Variants in MLLT6 observed in about 807,000 individuals in gnomAD.
MLLT6 encodes protein AF-17.
A neutral mutation model predicts 103.0 loss-of-function variants in MLLT6; 22 were observed. The ratio of observed to expected loss-of-function variants is 0.21; its 90% confidence interval spans 0.15 to 0.31. The LOEUF is 0.31. Ranked by LOEUF, MLLT6 falls within the 10% of genes least tolerant of loss-of-function variation. The probability of loss-of-function intolerance (pLI) is 1.00; values close to 1 mark genes in which losing one functional copy is unlikely to be tolerated. For missense variants in MLLT6, 1,199 were observed against 1,441.7 expected, an observed-to-expected ratio of 0.83 and a Z score of 2.73; for synonymous variants, 606 against 623.5, an observed-to-expected ratio of 0.97 and a Z score of 0.42.
Position 38,729,279 on chromosome 17 carries a change from C to T in MLLT6, c.*3681C>T, listed in dbSNP as rs757353256. On this transcript the variant is annotated 3_prime_UTR_variant, in exon 20 of 20. Transcript: ENST00000621332. ...CAACTTATTTTCCTGGGGAGAGGTG[C>T]CTAGAGGGATTGAGGTAACTTCAAC... is the stretch of plus-strand genomic sequence containing the variant. The T allele has an allele frequency of 2.2e-4, 51 of 233,120 alleles. No individual in the cohort carries two copies. The highest frequency in any genetic ancestry group is 3.7e-4 in the Non-Finnish European group (44 of 118,044). 14.4% of individuals were successfully genotyped at this position (233,120 alleles called of 1,614,324 possible).
rs1458966968 is a variant in MLLT6 at position 38,707,785 on chromosome 17, C to T, written c.267C>T (p.Ala89=). 1 of 1,612,788 alleles carries T rather than the reference C, an allele frequency of 6.2e-7. No homozygotes were observed. Among genetic ancestry groups the T allele is most frequent in the Non-Finnish European group, 8.5e-7 (1 of 1,179,118 alleles). Residue 89 remains alanine (A), a synonymous_variant, in exon 4 of 20, where the codon GCC becomes GCT. Transcript: ENST00000621332. ...CAGGCTGGGCACACGTGGTGTGTGC[C>T]CTCTACATCCCCGAGGTGCAATTTG... ...DNGGWAHVVC[A]LYIPEVQFAN...
chr17:38,714,698 G>C (rs552666613), intron 8 of MLLT6: 1 of 152,238 alleles, frequency 6.6e-6, no homozygotes, highest in Non-Finnish European at 1.5e-5. Flanking sequence ...AGCCGAGATC[G>C]CACCATTGCA....
Position 38,729,253 on chromosome 17 carries a change from T to G in MLLT6, c.*3655T>G. ...AGCTTGCACCCAGTTCTCCTTTATC[T>G]CAACTTATTTTCCTGGGGAGAGGTG... On this transcript the variant is annotated 3_prime_UTR_variant, in exon 20 of 20. Transcript: ENST00000621332. 1 of 233,214 alleles carries G rather than the reference T, an allele frequency of 4.3e-6. No individual in the cohort carries two copies. Among genetic ancestry groups the G allele is most frequent in the East Asian group, 6.0e-5 (1 of 16,584 alleles). The allele number at this position is 233,214 out of a possible 1,614,324, so 14.4% of individuals were successfully genotyped here.
Position 38,705,482 on chromosome 17 carries a change from A to G in MLLT6, c.-151A>G. The G allele has an allele frequency of 2.2e-6, 1 of 454,884 alleles. No individual in the cohort carries two copies. Among genetic ancestry groups the G allele is most frequent in the East Asian group, 3.8e-5 (1 of 26,418 alleles). 28.2% of individuals were successfully genotyped at this position (454,884 alleles called of 1,614,324 possible). ...GAGGAGGAGGACGCGGAGGAGGAGG[A>G]AGGAGGAGGCAAAGAAAAGAAGCGG... On this transcript the variant is annotated 5_prime_UTR_variant, in exon 1 of 20. Transcript: ENST00000621332.
intron 18 of MLLT6, 25 bp downstream of exon 18, chr17:38,722,793 C>T (rs780355522): frequency 6.4e-7 from 1 of 1,557,212 alleles, no homozygotes; most frequent in South Asian, 1.1e-5. Flanking sequence ...TTCCCTGCCT[C>T]AGGTGCCCCT....
At position 38,725,564 on chromosome 17, in the gene MLLT6, A is replaced by G; in HGVS notation, c.3248A>G (p.Asp1083Gly). The G allele has an allele frequency of 6.2e-7, 1 of 1,604,468 alleles. No homozygotes were observed. The highest frequency in any genetic ancestry group is 8.5e-7 in the Non-Finnish European group (1 of 1,176,158). The change falls in exon 20 of 20, where the codon GAC becomes GGC. Residue 1083 changes from aspartate (D) to glycine (G), a missense_variant. Transcript: ENST00000621332. Reference protein sequence around the residue: ...SGGGPKGGTADKGASANQEKG With the variant: ...SGGGPKGGTAGKGASANQEKG ...CCCTCCCTCTCTTTCCAGACCGCTG[A>G]CAAAGGAGCCTCAGCCAACCAGGAA... is the stretch of plus-strand genomic sequence containing the variant.
At chr17:38,706,021 C>A (rs1904903763) in intron 1 of MLLT6, 1 of 180,690 alleles carries the variant, frequency 5.5e-6, no homozygotes, top group African/African-American at 2.4e-5. Context: ...CGCCCCACAC[C>A]GCGGGTGTCG....
Position 38,726,727 on chromosome 17 carries a change from C to T in MLLT6, c.*1129C>T, listed in dbSNP as rs1335667661. On this transcript the variant is annotated 3_prime_UTR_variant, in exon 20 of 20. Coordinates refer to ENST00000621332, the MANE Select transcript of MLLT6 (RefSeq NM_005937.4). ...CCTCCTTCTCTGGCACAAGGGGAGC[C>T]CCAGGGCTTGGGGGAGGGCGTAAGG... 4 of 233,436 alleles carry T rather than the reference C, an allele frequency of 1.7e-5. No homozygotes were observed. The highest frequency in any genetic ancestry group is 2.5e-5 in the Non-Finnish European group (3 of 118,042). 14.5% of individuals were successfully genotyped at this position (233,436 alleles called of 1,614,324 possible).
At position 38,729,484 on chromosome 17, in the gene MLLT6, G is replaced by A. The variant is rs1261843969; in HGVS notation, c.*3886G>A. The A allele has an allele frequency of 4.3e-6, 1 of 233,534 alleles. No individual in the cohort carries two copies. The highest frequency in any genetic ancestry group is 8.5e-6 in the Non-Finnish European group (1 of 118,010). 14.5% of individuals were successfully genotyped at this position (233,534 alleles called of 1,614,324 possible). On this transcript the variant is annotated 3_prime_UTR_variant, in exon 20 of 20. Transcript: ENST00000621332. The stretch of plus-strand genomic sequence containing the variant: ...AGCTCAACTTGGGACTTGGGTGGTG[G>A]GACTGGAGACCTCACCCCTGCTCCC...
At position 38,724,675 on chromosome 17, in the gene MLLT6, T is replaced by C; in HGVS notation, c.2939T>C (p.Leu980Pro). ...MIQQIQQKRE[L>P]QRLQMAGGSQ... ...CAGCAGATCCAGCAGAAACGGGAGCTGCAGCGCCTGCAGATGGCTGGGGGC... is the reference window on the plus strand; with the variant it reads ...CAGCAGATCCAGCAGAAACGGGAGCCGCAGCGCCTGCAGATGGCTGGGGGC... Residue 980 changes from leucine to proline, a missense_variant, in exon 19 of 20, where the codon CTG (leucine) becomes CCG (proline). By Grantham distance (98) the Leu-to-Pro change is moderately conservative. Transcript: ENST00000621332. This position sits in a 1 kb window ranked among gnomAD's most constrained non-coding sequence, Gnocchi z 5.4. 1 of 1,612,456 alleles carries C rather than the reference T, an allele frequency of 6.2e-7. No individual in the cohort carries two copies. Among genetic ancestry groups the C allele is most frequent in the Admixed American group, 1.7e-5 (1 of 59,950 alleles).
At chr17:38,705,835 C>T in intron 1 of MLLT6, 94 bp downstream of exon 1, 1 of 385,774 alleles carries the variant, frequency 2.6e-6, no homozygotes, top group Non-Finnish European at 4.2e-6. Flanking sequence ...CTGGGGCTCG[C>T]GCGCCCCTCC....
intron 2 of MLLT6, 38 bp downstream of exon 2, chr17:38,707,067 TC>T: frequency 6.4e-7 from 1 of 1,558,594 alleles, no homozygotes; most frequent in Non-Finnish European, 8.8e-7. Flanking sequence ...CCCCTGCCCC[TC>T]CCACACACCT....
rs529813650 is a variant in MLLT6, at chr17:38,726,003, C to T, written c.*405C>T. The T allele has an allele frequency of 1.1e-5, 3 of 262,958 alleles. No individual in the cohort carries two copies. Among genetic ancestry groups the T allele is most frequent in the South Asian group, 3.1e-4 (2 of 6,422 alleles). The allele number at this position is 262,958 out of a possible 1,614,324, so 16.3% of individuals were successfully genotyped here. A position where few individuals can be genotyped will look rare whatever the true frequency, so the allele number is the denominator to read the frequency against. On this transcript the variant is annotated 3_prime_UTR_variant, in exon 20 of 20. Coordinates refer to ENST00000621332, the MANE Select transcript of MLLT6 (RefSeq NM_005937.4). ...TGGAGGGAGAGGCCCTGGGCCTGTC[C>T]CTGCGGGGAAATCTTTTATGGAAGA...
In MLLT6 at chr17:38,727,016, G is replaced by A. The variant is rs1371980891; in HGVS notation, c.*1418G>A. On this transcript the variant is annotated 3_prime_UTR_variant, in exon 20 of 20. Transcript: ENST00000621332. ...CGAAGCCTGTGTCCCTGTTTCAGTT[G>A]CACTGGGGTTGGAGCCCAGGGTAGG... 1 of 233,652 alleles carries A rather than the reference G, an allele frequency of 4.3e-6. No individual in the cohort carries two copies. Among genetic ancestry groups the A allele is most frequent in the Non-Finnish European group, 8.5e-6 (1 of 118,082 alleles). The allele number at this position is 233,652 out of a possible 1,614,324, so 14.5% of individuals were successfully genotyped here. A position where few individuals can be genotyped will look rare whatever the true frequency, so the allele number is the denominator to read the frequency against.
chr17:38,725,393 T>C (rs1199000121), intron 19 of MLLT6, 164 bp from the exon 20 acceptor site: 10 of 643,178 alleles, frequency 1.6e-5, no homozygotes, highest in Non-Finnish European at 2.4e-5. Flanking sequence ...TTCACACCCC[T>C]GCGCATCGGC....
chr17:38,722,547 C>T lies in MLLT6; in HGVS notation c.2793-131C>T, dbSNP rs118058662. On this transcript the variant is annotated intron_variant, in intron 17 of 19. Coordinates refer to ENST00000621332, the MANE Select transcript of MLLT6 (RefSeq NM_005937.4). The stretch of plus-strand genomic sequence containing the variant: ...CCCTATGAGCACGGTGCTCTAAGAT[C>T]GCACATCCCTGCCTTGCTTCCCCTG... The T allele has an allele frequency of 7.5e-3, 4,939 of 657,324 alleles. 23 individuals carry two copies. Among genetic ancestry groups the T allele is most frequent in the Non-Finnish European group, 0.01 (3,760 of 359,854 alleles). The allele number at this position is 657,324 out of a possible 1,614,324, so 40.7% of individuals were successfully genotyped here.
chr17:38,706,543 C>G (rs983216320), intron 1 of MLLT6: 3 of 165,266 alleles, frequency 1.8e-5, no homozygotes, highest in African/African-American at 7.1e-5. Flanking sequence ...TTCTCCGCCT[C>G]GTCCCTCACT....
Position 38,724,257 on chromosome 17 carries a change from C to A in MLLT6, c.2884-363C>A, listed in dbSNP as rs1905908348. ...GGTGACAGAGCAAGACTCCGTCTCACAAAAAGAAAAGAAAAGAAAAGAAAA... is the reference window on the plus strand; with the variant it reads ...GGTGACAGAGCAAGACTCCGTCTCAAAAAAAGAAAAGAAAAGAAAAGAAAA... On this transcript the variant is annotated intron_variant, in intron 18 of 19. Coordinates refer to ENST00000621332, the MANE Select transcript of MLLT6 (RefSeq NM_005937.4). This position sits in a 1 kb window ranked among gnomAD's most constrained non-coding sequence, Gnocchi z 5.4. 1 of 203,588 alleles carries A rather than the reference C, an allele frequency of 4.9e-6. No individual in the cohort carries two copies. The highest frequency in any genetic ancestry group is 1.1e-4 in the East Asian group (1 of 9,008). 12.6% of individuals were successfully genotyped at this position (203,588 alleles called of 1,614,324 possible).
chr17:38,715,514 G>T, intron 8 of MLLT6, 98 bp from the exon 9 acceptor site: 1 of 1,445,774 alleles, frequency 6.9e-7, no homozygotes, highest in South Asian at 1.5e-5. Flanking sequence ...GGCTCTCCCA[G>T]TTGAGCTAGG....
Sources: gnomAD v4.1 joint callset for allele counts on GRCh38, gnomAD v4.1.1 for gene constraint, Gnocchi (gnomAD v3.1) non-coding constraint, MANE v1.5 for transcripts, NCBI Gene and HGNC (gene_info 2026-07-23, HGNC 2026-07-21) for gene names.